ASAP1: variants seen among roughly 807,000 people sequenced by gnomAD.
The protein encoded by ASAP1 is ArfGAP with SH3 domain, ankyrin repeat and PH domain 1, also known as arf-GAP with SH3 domain, ANK repeat and PH domain-containing protein 1.
In ASAP1, 43 loss-of-function variants were observed where a neutral mutation model predicts 145.2. The ratio of observed to expected loss-of-function variants is 0.30; its 90% CI spans 0.23 to 0.38. The LOEUF (loss-of-function observed/expected upper bound fraction) is 0.38, where lower values mean the gene tolerates loss of function less well. Ranked by LOEUF, ASAP1 falls within the 10% of genes least tolerant of loss-of-function variation. The pLI is 1.00. For synonymous variants in ASAP1, 546 were observed against 515.5 expected, an observed-to-expected ratio of 1.06 and a Z score of -0.80; for missense variants, 1,018 against 1,355.3, an observed-to-expected ratio of 0.75 and a Z score of 3.91.
At chr8:130,167,358 T>A in intron 11 of ASAP1, 178 bp downstream of exon 11, 1 of 747,092 alleles carries the variant, frequency 1.3e-6, no homozygotes, top group Non-Finnish European at 2.5e-6. Flanking sequence ...ACCCAGAACA[T>A]CTTTCCTATA....
At chr8:130,090,598 G>A (rs1189448990) in intron 25 of ASAP1, among the ~76,000 whole-genome samples, 1 of 152,138 alleles carries the variant, frequency 6.6e-6, no homozygotes, top group Non-Finnish European at 1.5e-5. Flanking sequence ...TCAGTTTTCT[G>A]GCATTTCTAG....
At chr8:130,056,321 C>A (rs1330250085) in intron 29 of ASAP1, among the ~76,000 whole-genome samples, 2 of 152,192 alleles carry the variant, frequency 1.3e-5, no homozygotes, top group Admixed American at 1.3e-4. Context: ...CAGGGGCTGG[C>A]CCCACTCTGC....
Position 130,092,161 on chromosome 8 carries a change from T to C in ASAP1, c.2402-18A>G, listed in dbSNP as rs751018436. On this transcript the variant is annotated intron_variant, in intron 24 of 29. Transcript: ENST00000518721. ...AGTTGGACCTAGAAAGGAAATTGAATGGGGGCAGGAAGATTAATCCCAGTC... is the reference window on the plus strand; with the variant it reads ...AGTTGGACCTAGAAAGGAAATTGAACGGGGGCAGGAAGATTAATCCCAGTC... The C allele has an allele frequency of 4.5e-6, 7 of 1,564,272 alleles. No individual in the cohort carries two copies. Among genetic ancestry groups the C allele is most frequent in the Middle Eastern group, 1.7e-4 (1 of 5,874 alleles).
chr8:130,440,682 C>T (rs1486732674), intron 1 of ASAP1, among the ~76,000 whole-genome samples: 2 of 152,140 alleles, frequency 1.3e-5, no homozygotes, highest in Non-Finnish European at 2.9e-5. Flanking sequence ...CTCCCTTACA[C>T]TCTAGCCCTG....
At chr8:130,385,304 AAAATAAAT>A (rs968019891) in intron 2 of ASAP1, among the ~76,000 whole-genome samples, 1 of 152,202 alleles carries the variant, frequency 6.6e-6, no homozygotes, top group Non-Finnish European at 1.5e-5. Flanking sequence ...CGTCTCCACT[AAAATAAAT>A]AAATAAATAA....
chr8:130,158,390 C>T (rs2097662284), intron 12 of ASAP1, among the ~76,000 whole-genome samples: 1 of 151,290 alleles, frequency 6.6e-6, no homozygotes, highest in Non-Finnish European at 1.5e-5. Flanking sequence ...TGGCATGTGC[C>T]TATAGTCCCA....
intron 27 of ASAP1, among the ~76,000 whole-genome samples, chr8:130,074,794 G>A (rs1258878450): frequency 2.0e-5 from 3 of 152,170 alleles, no homozygotes; most frequent in African/African-American, 7.2e-5. Context: ...GAAAGGTTGC[G>A]GTGCTGGGAC....
intron 3 of ASAP1, among the ~76,000 whole-genome samples, chr8:130,264,608 T>G (rs55758693): frequency 0.026 from 4,002 of 152,330 alleles, 63 homozygotes; most frequent in Middle Eastern, 0.044. Flanking sequence ...AACTGTATTC[T>G]TGAAATGTTA....
intron 3 of ASAP1, among the ~76,000 whole-genome samples, chr8:130,268,275 C>A (rs1223271498): frequency 6.6e-6 from 1 of 152,076 alleles, no homozygotes; most frequent in Non-Finnish European, 1.5e-5. Flanking sequence ...CACTTGAGCC[C>A]AGGAGCTCGA....
chr8:130,196,253 A>C (rs1045271375), intron 5 of ASAP1, among the ~76,000 whole-genome samples: 4 of 152,152 alleles, frequency 2.6e-5, no homozygotes, highest in African/African-American at 9.7e-5. Context: ...GAAGCAGGAG[A>C]ATCGCTTGAA....
chr8:130,440,773 C>T (rs555469890), intron 1 of ASAP1, among the ~76,000 whole-genome samples: 10 of 152,286 alleles, frequency 6.6e-5, no homozygotes, highest in Non-Finnish European at 1.0e-4. Context: ...GCCTGGAAGG[C>T]CCTCCCCTGC....
chr8:130,440,580 G>A (rs1183358527), intron 1 of ASAP1, among the ~76,000 whole-genome samples: 1 of 151,808 alleles, frequency 6.6e-6, no homozygotes, highest in Non-Finnish European at 1.5e-5. Context: ...TGTACTGGGT[G>A]GAGGGACTCT....
intron 1 of ASAP1, among the ~76,000 whole-genome samples, chr8:130,426,479 T>C (rs1324181138): frequency 6.6e-6 from 1 of 151,496 alleles, no homozygotes; most frequent in Non-Finnish European, 1.5e-5. Flanking sequence ...AGAGCTGCTT[T>C]TGTCATTCAG....
intron 4 of ASAP1, among the ~76,000 whole-genome samples, chr8:130,234,765 G>A (rs967696300): frequency 2.6e-5 from 4 of 152,178 alleles, no homozygotes; most frequent in African/African-American, 9.6e-5. Flanking sequence ...CCCTTTTGCA[G>A]CTCACAAGCA....
At chr8:130,316,578 G>T (rs1823676038) in intron 3 of ASAP1, among the ~76,000 whole-genome samples, 1 of 152,230 alleles carries the variant, frequency 6.6e-6, no homozygotes, top group Non-Finnish European at 1.5e-5. Flanking sequence ...AAGTGGCTCA[G>T]CTGGGAAAGC....
intron 3 of ASAP1, among the ~76,000 whole-genome samples, chr8:130,350,673 C>T (rs148477696): frequency 6.6e-6 from 1 of 152,354 alleles, no homozygotes; most frequent in African/African-American, 2.4e-5. Flanking sequence ...ACCCCCATCA[C>T]AGCTTTCATG....
At chr8:130,072,830 C>CGCGCGCGCGCACGCGCA (rs1448184178) in intron 27 of ASAP1, among the ~76,000 whole-genome samples, 1 of 31,922 alleles carries the variant, frequency 3.1e-5, no homozygotes, top group Non-Finnish European at 5.3e-5. Context: ...TGTGTGCGCG[C>CGCGCGCGCGCACGCGCA]GGGGGGGGGC....
intron 25 of ASAP1, among the ~76,000 whole-genome samples, chr8:130,081,122 TC>T (rs2097479228): frequency 6.6e-6 from 1 of 152,200 alleles, no homozygotes; most frequent in African/African-American, 2.4e-5. Flanking sequence ...GAGAATAGTT[TC>T]TAAACTCTGA....
At chr8:130,177,755 C>T (rs1332017803) in intron 9 of ASAP1, among the ~76,000 whole-genome samples, 1 of 151,920 alleles carries the variant, frequency 6.6e-6, no homozygotes, top group Non-Finnish European at 1.5e-5. Context: ...AAAGGTTTTC[C>T]TTAAGAGAAA....
Sources: allele counts gnomAD v4.1 joint callset (sites outside exome capture counted in the v4.1 genomes callset), GRCh38; gene constraint gnomAD v4.1.1; transcripts MANE v1.5; gene names NCBI Gene and HGNC (gene_info 2026-07-23, HGNC 2026-07-21).